The following ATP9A variants were observed in gnomAD, a reference collection of about 807,000 sequenced individuals.
ATP9A encodes probable phospholipid-transporting ATPase IIA.
Under a neutral mutation model 144.1 loss-of-function variants are expected in ATP9A, and 52 were observed. The ratio of observed to expected loss-of-function variants is 0.36; its 90% confidence interval spans 0.29 to 0.45. ATP9A has a LOEUF of 0.45. Among genes scored for constraint, ATP9A ranks in the 20% least tolerant of loss-of-function variants. The pLI is 1.00. For synonymous variants in ATP9A, 582 were observed against 557.4 expected, an observed-to-expected ratio of 1.04 and a Z score of -0.62; for missense variants, 947 against 1,392.7, an observed-to-expected ratio of 0.68 and a Z score of 5.09.
intron 15 of ATP9A, among the ~76,000 whole-genome samples, chr20:51,638,839 A>G (rs969331297): frequency 1.3e-5 from 2 of 152,202 alleles, no homozygotes; most frequent in Non-Finnish European, 2.9e-5. Flanking sequence ...GAGCCAGTAG[A>G]AAAACAACAT....
chr20:51,684,806 CG>C (rs1305661705), intron 9 of ATP9A, among the ~76,000 whole-genome samples: 2 of 149,214 alleles, frequency 1.3e-5, no homozygotes, highest in East Asian at 4.0e-4. Context: ...GTCAGGAGAT[CG>C]AGACCATCCT....
At chr20:51,720,891 G>A (rs1335564159) in intron 3 of ATP9A, among the ~76,000 whole-genome samples, 3 of 152,140 alleles carry the variant, frequency 2.0e-5, no homozygotes, top group Admixed American at 6.6e-5. Flanking sequence ...GCTTAAAGGC[G>A]CAGGCACCAC....
rs1358649984 is a variant in ATP9A, at chr20:51,601,355, G to A, written c.3008-8C>T. 8 of 1,605,686 alleles carry A rather than the reference G, an allele frequency of 5.0e-6. No individual in the cohort carries two copies. The highest frequency in any genetic ancestry group is 1.7e-6 in the Non-Finnish European group (2 of 1,175,734). On this transcript the variant is annotated splice_polypyrimidine_tract_variant and splice_region_variant and intron_variant, in intron 27 of 27. Coordinates refer to ENST00000338821, the MANE Select transcript of ATP9A (RefSeq NM_006045.3). The stretch of plus-strand genomic sequence containing the variant: ...TGGCGATGAAGTACACATCTGCAAG[G>A]AAAGGGGAAGACGGCAGTGAGCAGG...
Position 51,604,902 on chromosome 20 carries a change from C to G in ATP9A, c.2922G>C (p.Gln974His), listed in dbSNP as rs1056388931. The G allele has an allele frequency of 2.5e-5, 41 of 1,610,974 alleles. No individual in the cohort carries two copies. The highest frequency in any genetic ancestry group is 3.3e-5 in the Non-Finnish European group (39 of 1,178,538). Residue 974 changes from glutamine to histidine, a missense_variant, in exon 27 of 28, where the codon CAG (glutamine) becomes CAC (histidine). Physicochemically the swap from Gln to His is conservative, Grantham distance 24. Coordinates refer to ENST00000338821, the MANE Select transcript of ATP9A (RefSeq NM_006045.3). The part of the protein sequence containing the change: ...TELLMVALTI[Q>H]TWHWLMTVAE... ...CCACTGTCATGAGCCAGTGCCAGGT[C>G]TGGATGGTCAGCGCCACCATGAGCA...
At chr20:51,691,298 C>G (rs1051037388) in intron 7 of ATP9A, among the ~76,000 whole-genome samples, 1 of 152,124 alleles carries the variant, frequency 6.6e-6, no homozygotes, top group African/African-American at 2.4e-5. Context: ...GAAGCCCTGT[C>G]TCTACTAAAA....
In ATP9A at chr20:51,702,995, G is replaced by GTTA. The variant is rs747019928; in HGVS notation, c.437-5514_437-5513insTAA. Among the ~76,000 whole-genome samples, 1,178 of 151,712 alleles carry GTTA rather than the reference G, an allele frequency of 7.8e-3. 10 individuals carry two copies. Among genetic ancestry groups the GTTA allele is most frequent in the Non-Finnish European group, 0.01 (685 of 67,864 alleles). ...TTCCCAAGCGCTCCTTGGTTTTTTT[G>GTTA]TTGTTGTTTTGTTTTGGTCTCATCT... On this transcript the variant is annotated intron_variant, in intron 4 of 27. Coordinates refer to ENST00000338821, the MANE Select transcript of ATP9A (RefSeq NM_006045.3).
chr20:51,622,748 C>T (rs1280825853), intron 18 of ATP9A, among the ~76,000 whole-genome samples: 1 of 152,214 alleles, frequency 6.6e-6, no homozygotes, highest in Non-Finnish European at 1.5e-5. Context: ...ACAGCTACCT[C>T]TTGTCCTAAC....
At chr20:51,670,815 T>C (rs1331853062) in intron 12 of ATP9A, among the ~76,000 whole-genome samples, 2 of 152,194 alleles carry the variant, frequency 1.3e-5, no homozygotes, top group African/African-American at 4.8e-5. Flanking sequence ...ACAAGTCACT[T>C]ACCCTCTCTG....
chr20:51,699,524 T>C (rs2077584774), intron 4 of ATP9A, among the ~76,000 whole-genome samples: 1 of 152,232 alleles, frequency 6.6e-6, no homozygotes, highest in Non-Finnish European at 1.5e-5. Flanking sequence ...AACAACTCTC[T>C]TTAATCGGTT....
At chr20:51,631,764 C>T (rs939199879) in intron 15 of ATP9A, among the ~76,000 whole-genome samples, 2 of 152,208 alleles carry the variant, frequency 1.3e-5, no homozygotes, top group Non-Finnish European at 2.9e-5. Context: ...GATCCAAACC[C>T]GTGGCTCCAC....
At position 51,734,778 on chromosome 20, in the gene ATP9A, C is replaced by A. The variant is rs145962653; in HGVS notation, c.69-4800G>T. 616 of 215,464 alleles carry A rather than the reference C, an allele frequency of 2.9e-3. 9 individuals carry two copies. The highest frequency in any genetic ancestry group is 0.013 in the African/African-American group (584 of 43,450). 13.3% of individuals were successfully genotyped at this position (215,464 alleles called of 1,614,324 possible). A position where few individuals can be genotyped will look rare whatever the true frequency, so the allele number is the denominator to read the frequency against. ...CAAGAAGAAGTGCATGAAGAAGATG[C>A]AGGCCAACACCACCAAGGCCCTGAG... On this transcript the variant is annotated intron_variant, in intron 1 of 27. Coordinates refer to ENST00000338821, the MANE Select transcript of ATP9A (RefSeq NM_006045.3).
chr20:51,607,451 G>T, intron 26 of ATP9A, 76 bp downstream of exon 26: 1 of 1,335,748 alleles, frequency 7.5e-7, no homozygotes, highest in Non-Finnish European at 1.1e-6. Flanking sequence ...TTCTCTTCTT[G>T]TTCTACAGGC....
At chr20:51,688,606 G>A (rs2077533792) in intron 9 of ATP9A, among the ~76,000 whole-genome samples, 1 of 149,972 alleles carries the variant, frequency 6.7e-6, no homozygotes, top group African/African-American at 2.5e-5. Flanking sequence ...AAAGAGAAAA[G>A]AAAAAAAAAG....
chr20:51,763,520 A>G (rs1056716771), intron 1 of ATP9A, among the ~76,000 whole-genome samples: 8 of 151,796 alleles, frequency 5.3e-5, no homozygotes, highest in Non-Finnish European at 8.8e-5. Context: ...CACTTGTGTT[A>G]GCCAGGATGG....
chr20:51,642,715 G>T (rs2122751543), intron 14 of ATP9A, among the ~76,000 whole-genome samples: 1 of 105,066 alleles, frequency 9.5e-6, no homozygotes, highest in South Asian at 3.7e-4. Flanking sequence ...GACTGAGTGA[G>T]ACTCTGTCTC....
chr20:51,705,074 G>C (rs1268782099), intron 4 of ATP9A, among the ~76,000 whole-genome samples: 1 of 152,162 alleles, frequency 6.6e-6, no homozygotes, highest in East Asian at 1.9e-4. Context: ...TGTCTGGACA[G>C]AGCTTATACT....
At chr20:51,676,822 G>A (rs1426413359) in intron 9 of ATP9A, among the ~76,000 whole-genome samples, 1 of 151,250 alleles carries the variant, frequency 6.6e-6, no homozygotes, top group African/African-American at 2.4e-5. Flanking sequence ...CACCACGTTG[G>A]CCAGGCTGGT....
chr20:51,767,510 G>A (rs1043733499), intron 1 of ATP9A, among the ~76,000 whole-genome samples: 2 of 152,052 alleles, frequency 1.3e-5, no homozygotes, highest in African/African-American at 4.8e-5. Flanking sequence ...AGACGGCGAG[G>A]CGCAAAATAC....
chr20:51,708,864 C>G (rs200667099), intron 4 of ATP9A, among the ~76,000 whole-genome samples: 1 of 152,102 alleles, frequency 6.6e-6, no homozygotes, highest in Non-Finnish European at 1.5e-5. Context: ...GTCAAGATCA[C>G]GAAAGACAAA....
Sources: allele counts gnomAD v4.1 joint callset (sites outside exome capture counted in the v4.1 genomes callset), GRCh38; gene constraint gnomAD v4.1.1; transcripts MANE v1.5; gene names NCBI Gene and HGNC (gene_info 2026-07-23, HGNC 2026-07-21).